STXBP5L: variants seen among roughly 807,000 people sequenced by gnomAD.
STXBP5L encodes the protein syntaxin binding protein 5L, also known as syntaxin-binding protein 5-like.
A neutral mutation model predicts 144.5 loss-of-function variants in STXBP5L; 65 were observed. The ratio of observed to expected loss-of-function variants is 0.45; its 90% CI spans 0.37 to 0.55. STXBP5L has a LOEUF of 0.55. Ranked by LOEUF, STXBP5L falls within the 20% of genes least tolerant of loss-of-function variation. The pLI, the probability that STXBP5L is intolerant of heterozygous loss-of-function variation, is 0.00. For missense variants in STXBP5L, 1,298 were observed against 1,405.5 expected (o/e 0.92, Z 1.22); for synonymous variants, 505 against 469.6 (o/e 1.08, Z -0.97).
At chr3:121,258,023 G>T (rs1156620688) in intron 17 of STXBP5L, among the ~76,000 whole-genome samples, 1 of 152,090 alleles carries the variant, frequency 6.6e-6, no homozygotes, top group Admixed American at 6.6e-5. Flanking sequence ...TCTACTACAA[G>T]AGTTCTATAT....
intron 15 of STXBP5L, 60 bp from the exon 16 acceptor site, chr3:121,254,835 T>G: frequency 7.3e-7 from 1 of 1,377,316 alleles, no homozygotes; most frequent in Non-Finnish European, 9.8e-7. Flanking sequence ...TGGAAAAGCT[T>G]TAATAACATC....
chr3:121,087,262 A>T (rs541342148), intron 5 of STXBP5L, among the ~76,000 whole-genome samples: 1 of 152,034 alleles, frequency 6.6e-6, no homozygotes, highest in Non-Finnish European at 1.5e-5. Flanking sequence ...TGTTCTAATA[A>T]TTGCTGAGAG....
rs781469361 is a variant in STXBP5L, at chr3:121,418,456, C to T, written c.3346C>T (p.Arg1116Trp). 7 of 1,613,880 alleles carry T rather than the reference C, an allele frequency of 4.3e-6. No homozygotes were observed. The highest frequency in any genetic ancestry group is 3.3e-5 in the South Asian group (3 of 91,090). ...GGTGATGGGAGAGCTGACCCGTGCA[C>T]GGATTGCACTTGATGAAAGAGGACA... Reference protein sequence around the residue: ...GGVMGELTRARIALDERGQRL... With the variant: ...GGVMGELTRAWIALDERGQRL... The change falls in exon 26 of 27, where the codon CGG becomes TGG. Residue 1116 changes from arginine (R) to tryptophan (W), a missense_variant. Transcript: ENST00000471454.
chr3:121,280,460 A>G (rs1041128088), intron 19 of STXBP5L, among the ~76,000 whole-genome samples: 2 of 151,914 alleles, frequency 1.3e-5, no homozygotes, highest in African/African-American at 4.8e-5. Context: ...TCACAATTCA[A>G]TAAACATTTT....
intron 5 of STXBP5L, among the ~76,000 whole-genome samples, chr3:121,098,496 A>C (rs1016635219): frequency 6.6e-6 from 1 of 152,200 alleles, no homozygotes; most frequent in African/African-American, 2.4e-5. Context: ...TTCTGACTCT[A>C]TAAGATTAGT....
intron 14 of STXBP5L, among the ~76,000 whole-genome samples, chr3:121,250,185 C>T (rs911886332): frequency 6.6e-6 from 1 of 151,820 alleles, no homozygotes; most frequent in Non-Finnish European, 1.5e-5. Flanking sequence ...GTTTTGGTGT[C>T]AGGGTAATGC....
At chr3:121,024,404 C>A (rs1293788553) in intron 3 of STXBP5L, among the ~76,000 whole-genome samples, 1 of 151,910 alleles carries the variant, frequency 6.6e-6, no homozygotes, top group East Asian at 1.9e-4. Flanking sequence ...AAGGTAAAAT[C>A]TTTTTGGGGT....
chr3:120,940,738 G>A (rs1368021272), intron 2 of STXBP5L, among the ~76,000 whole-genome samples: 1 of 151,700 alleles, frequency 6.6e-6, no homozygotes, highest in Non-Finnish European at 1.5e-5. Context: ...AAGATGATAG[G>A]ATTGGATATC....
At chr3:121,392,240 T>C (rs1474425189) in intron 22 of STXBP5L, among the ~76,000 whole-genome samples, 1 of 152,206 alleles carries the variant, frequency 6.6e-6, no homozygotes, top group East Asian at 1.9e-4. Flanking sequence ...TGTTTGCCAG[T>C]TGCTATGACC....
rs552427625 is a variant in STXBP5L, at chr3:121,183,646, GAAAA to G, written c.878-22274_878-22271del. Among the ~76,000 whole-genome samples the G allele has an allele frequency of 6.4e-4, 96 of 149,904 alleles. No homozygotes were observed. The East Asian group carries it at 0.012, about 19-fold the overall frequency. ...GGAAGGGAGGGAGGAAGGAAAGAAA[GAAAA>G]AAGAAAGAAAGAAGGAAGGGAGGGA... On this transcript the variant is annotated intron_variant, in intron 9 of 26. Coordinates refer to ENST00000471454, the MANE Select transcript of STXBP5L (RefSeq NM_001308330.2).
At chr3:121,042,190 G>T (rs992480720) in intron 4 of STXBP5L, among the ~76,000 whole-genome samples, 2 of 151,752 alleles carry the variant, frequency 1.3e-5, no homozygotes, top group Non-Finnish European at 2.9e-5. Context: ...ATACGTATGG[G>T]CCCTTTTATC....
intron 9 of STXBP5L, among the ~76,000 whole-genome samples, chr3:121,187,873 A>C (rs1221204025): frequency 6.6e-6 from 1 of 152,118 alleles, no homozygotes; most frequent in Non-Finnish European, 1.5e-5. Flanking sequence ...GAAAGAAAAA[A>C]AAAAAGCAGC....
At chr3:121,349,779 C>A (rs1241225364) in intron 20 of STXBP5L, among the ~76,000 whole-genome samples, 1 of 151,982 alleles carries the variant, frequency 6.6e-6, no homozygotes, top group Non-Finnish European at 1.5e-5. Flanking sequence ...AGGATTGCAA[C>A]CCCTGCCTTT....
intron 7 of STXBP5L, among the ~76,000 whole-genome samples, chr3:121,122,078 G>C (rs767856719): frequency 6.6e-6 from 1 of 150,910 alleles, no homozygotes; most frequent in Non-Finnish European, 1.5e-5. Flanking sequence ...ACATAAATTA[G>C]CCAATCTTGA....
chr3:121,104,636 A>G (rs1004845509), intron 5 of STXBP5L, among the ~76,000 whole-genome samples: 2 of 152,220 alleles, frequency 1.3e-5, no homozygotes, highest in African/African-American at 4.8e-5. Context: ...AAACAAAAAC[A>G]TAAAGTGGGA....
At chr3:121,329,555 G>A (rs981508405) in intron 20 of STXBP5L, among the ~76,000 whole-genome samples, 4 of 152,204 alleles carry the variant, frequency 2.6e-5, no homozygotes, top group African/African-American at 9.6e-5. Context: ...TACTCAAACA[G>A]TTAGAATGTC....
At chr3:121,203,028 A>G (rs945006243) in intron 9 of STXBP5L, among the ~76,000 whole-genome samples, 2 of 149,588 alleles carry the variant, frequency 1.3e-5, no homozygotes, top group Non-Finnish European at 3.0e-5. Context: ...ACAGTATTCC[A>G]TATTTCTTTG....
chr3:121,006,219 T>C (rs1576638597), intron 3 of STXBP5L, among the ~76,000 whole-genome samples: 1 of 152,212 alleles, frequency 6.6e-6, no homozygotes, highest in East Asian at 1.9e-4. Flanking sequence ...GGACTTGCTT[T>C]GTGAATCTGG....
intron 3 of STXBP5L, among the ~76,000 whole-genome samples, chr3:121,004,715 G>C (rs1045838479): frequency 6.6e-6 from 1 of 152,128 alleles, no homozygotes; most frequent in Non-Finnish European, 1.5e-5. Flanking sequence ...CTTATTTTGA[G>C]ATACGTCCCA....
Sources: gnomAD v4.1 joint callset for allele counts (sites outside exome capture counted in the v4.1 genomes callset) on GRCh38, gnomAD v4.1.1 for gene constraint, MANE v1.5 for transcripts, NCBI Gene and HGNC (gene_info 2026-07-23, HGNC 2026-07-21) for gene names.